GAPVD1: variants seen among roughly 807,000 people sequenced by gnomAD.
GAPVD1 encodes the protein GTPase activating protein and VPS9 domains 1.
A neutral mutation model predicts 155.5 loss-of-function variants in GAPVD1; 35 were observed. That is an observed-to-expected ratio of 0.23 (90% CI 0.17 to 0.30). The LOEUF is 0.30. GAPVD1 is among the 10% of genes least tolerant of loss of function. The probability of loss-of-function intolerance (pLI) is 1.00; values close to 1 mark genes in which losing one functional copy is unlikely to be tolerated. For synonymous variants in GAPVD1, 636 were observed against 619.7 expected, an observed-to-expected ratio of 1.03 and a Z score of -0.39; for missense variants, 1,429 against 1,775.7, an observed-to-expected ratio of 0.80 and a Z score of 3.51.
chr9:125,325,293 C>T (rs1457750986), intron 11 of GAPVD1, among the ~76,000 whole-genome samples: 4 of 150,750 alleles, frequency 2.7e-5, no homozygotes, highest in Admixed American at 1.3e-4. Flanking sequence ...GAGGCCAAGA[C>T]AGGCGGATCA....
chr9:125,288,685 C>A (rs1838117072), intron 2 of GAPVD1, among the ~76,000 whole-genome samples: 1 of 152,130 alleles, frequency 6.6e-6, no homozygotes, highest in African/African-American at 2.4e-5. Flanking sequence ...CCCATTCTTA[C>A]ATTCATTTAG....
chr9:125,356,476 C>T (rs1850102062), intron 25 of GAPVD1, among the ~76,000 whole-genome samples: 1 of 152,116 alleles, frequency 6.6e-6, no homozygotes, highest in Non-Finnish European at 1.5e-5. Context: ...GGGCAAAATT[C>T]TCCCCTGTTC....
chr9:125,284,186 T>A (rs1181228324), intron 2 of GAPVD1, among the ~76,000 whole-genome samples: 1 of 146,080 alleles, frequency 6.8e-6, no homozygotes, highest in Non-Finnish European at 1.5e-5. Flanking sequence ...AGAACTTTTT[T>A]TTTTTTTTTT....
At chr9:125,296,078 C>T (rs989810007) in intron 3 of GAPVD1, among the ~76,000 whole-genome samples, 4 of 152,142 alleles carry the variant, frequency 2.6e-5, no homozygotes, top group African/African-American at 9.7e-5. Flanking sequence ...CCTACCACCT[C>T]AGTTCAACAG....
chr9:125,266,336 C>A (rs188283105), intron 1 of GAPVD1, among the ~76,000 whole-genome samples: 1 of 149,162 alleles, frequency 6.7e-6, no homozygotes, highest in African/African-American at 2.5e-5. Context: ...TTTTTTTAGA[C>A]GGAGTCTCGC....
At chr9:125,280,701 G>A (rs1019466966) in intron 2 of GAPVD1, among the ~76,000 whole-genome samples, 7 of 151,060 alleles carry the variant, frequency 4.6e-5, no homozygotes, top group Admixed American at 2.7e-4. Context: ...TCAGCCTCTC[G>A]AGTGACTGGG....
At position 125,364,195 on chromosome 9, in the gene GAPVD1, T is replaced by C. The variant is rs922647575; in HGVS notation, c.*1449T>C. 15 of 151,332 alleles carry C rather than the reference T, an allele frequency of 9.9e-5. No individual in the cohort carries two copies. The highest frequency in any genetic ancestry group is 2.2e-4 in the Non-Finnish European group (15 of 67,350). The allele number at this position is 151,332 out of a possible 1,614,324, so 9.4% of individuals were successfully genotyped here. A position where few individuals can be genotyped will look rare whatever the true frequency, so the allele number is the denominator to read the frequency against. On this transcript the variant is annotated 3_prime_UTR_variant, in exon 28 of 28. Coordinates refer to ENST00000297933, the MANE Select transcript of GAPVD1 (RefSeq NM_001282680.3). ...CTCTGTTGTCTGTCTCTGAGATCTT[T>C]GTGTCTGGGAATGCCTAAAGATTTT...
At chr9:125,266,641 C>T (rs1327431086) in intron 1 of GAPVD1, among the ~76,000 whole-genome samples, 1 of 152,052 alleles carries the variant, frequency 6.6e-6, no homozygotes, top group South Asian at 2.1e-4. Context: ...TTGAGGATAT[C>T]TATACTTTTT....
At chr9:125,286,940 TG>T (rs1837799434) in intron 2 of GAPVD1, among the ~76,000 whole-genome samples, 1 of 151,948 alleles carries the variant, frequency 6.6e-6, no homozygotes, top group Non-Finnish European at 1.5e-5. Context: ...AAAAATTAGC[TG>T]GACGTGGTCG....
intron 1 of GAPVD1, among the ~76,000 whole-genome samples, chr9:125,264,348 C>G (rs1399804232): frequency 6.6e-6 from 1 of 152,114 alleles, no homozygotes; most frequent in East Asian, 1.9e-4. Context: ...ACACCAGCCA[C>G]CACGCCTGGA....
At chr9:125,332,102 TCACCCCC>T in intron 14 of GAPVD1, 42 bp downstream of exon 14, 1 of 1,578,590 alleles carries the variant, frequency 6.3e-7, no homozygotes, top group Non-Finnish European at 8.7e-7. Flanking sequence ...TTGAAGGTGT[TCACCCCC>T]TACCCCCTCC....
chr9:125,276,545 T>C (rs1835821135), intron 2 of GAPVD1, among the ~76,000 whole-genome samples: 1 of 152,074 alleles, frequency 6.6e-6, no homozygotes, highest in African/African-American at 2.4e-5. Flanking sequence ...AAAAATTAGC[T>C]GAGCGTGATG....
chr9:125,285,415 A>G (rs1008003276), intron 2 of GAPVD1, among the ~76,000 whole-genome samples: 1 of 146,376 alleles, frequency 6.8e-6, no homozygotes, highest in Non-Finnish European at 1.5e-5. Flanking sequence ...TCAAAATCTG[A>G]TTAATATGCA....
At chr9:125,360,381 G>T in intron 26 of GAPVD1, 147 bp from the exon 27 acceptor site, 1 of 592,080 alleles carries the variant, frequency 1.7e-6, no homozygotes, top group African/African-American at 1.9e-5. Flanking sequence ...CTTTAGTGAA[G>T]GGGAAAGGGG....
chr9:125,361,480 C>G (rs1473686169), intron 27 of GAPVD1, among the ~76,000 whole-genome samples: 1 of 151,376 alleles, frequency 6.6e-6, no homozygotes. Flanking sequence ...GCCGAGATCA[C>G]ACTGCTGCAC....
chr9:125,345,509 T>G (rs1848400545), intron 19 of GAPVD1, among the ~76,000 whole-genome samples: 1 of 152,160 alleles, frequency 6.6e-6, no homozygotes, highest in South Asian at 2.1e-4. Flanking sequence ...TGCATTTGAT[T>G]GCAAAAAACT....
rs1458201178 is a variant in GAPVD1 at position 125,337,263 on chromosome 9, C to T, written c.2549C>T (p.Pro850Leu). Reference protein sequence around the residue: ...VVRPKVHYARPSHPPPDPPIL... With the variant: ...VVRPKVHYARLSHPPPDPPIL... ...AGGCCAAAGGTTCACTATGCTAGGC[C>T]ATCGCATCCACCACCAGATCCCCCA... Residue 850 changes from proline (P) to leucine (L), a missense_variant, in exon 17 of 28, where the codon CCA (proline) becomes CTA (leucine). Coordinates refer to ENST00000297933, the MANE Select transcript of GAPVD1 (RefSeq NM_001282680.3). 1.9e-6 allele frequency: 3 copies of T among 1,614,012 alleles called. No individual in the cohort carries two copies. Among genetic ancestry groups the T allele is most frequent in the South Asian group, 1.1e-5 (1 of 91,082 alleles).
In GAPVD1 at chr9:125,293,727, A is replaced by T. The variant is rs1408589222; in HGVS notation, c.-149-1731A>T. Among the ~76,000 whole-genome samples the T allele has an allele frequency of 5.4e-5, 7 of 129,314 alleles. No individual in the cohort carries two copies. In the Admixed American group the frequency reaches 6.3e-4, roughly 12 times the overall value. 84.8% of individuals were successfully genotyped at this position (129,314 alleles called of 152,430 possible). ...AATATATATTTTTATATTTTATATA[A>T]ATATATATTTTATGTTTTTATAAAA... On this transcript the variant is annotated intron_variant, in intron 2 of 27. Transcript: ENST00000297933.
At chr9:125,296,358 G>GTTTTTTTTTTGTT (rs1554758519) in intron 3 of GAPVD1, among the ~76,000 whole-genome samples, 3 of 121,758 alleles carry the variant, frequency 2.5e-5, no homozygotes, top group African/African-American at 7.1e-5. Flanking sequence ...TAGTTCTTAG[G>GTTTTTTTTTTGTT]TTTTTTTTTT....
Sources: allele counts gnomAD v4.1 joint callset (sites outside exome capture counted in the v4.1 genomes callset), GRCh38; gene constraint gnomAD v4.1.1; transcripts MANE v1.5; gene names NCBI Gene and HGNC (gene_info 2026-07-23, HGNC 2026-07-21).